Variants in RYR3 observed in about 807,000 individuals in gnomAD.
RYR3 encodes the protein ryanodine receptor 3, also known as brain ryanodine receptor-calcium release channel.
RYR3 carries 207 observed loss-of-function variants against 584.3 expected under a neutral mutation model. That is an observed-to-expected ratio of 0.35 (90% CI 0.32 to 0.40). The LOEUF is 0.40. Ranked by LOEUF, RYR3 falls within the 10% of genes least tolerant of loss-of-function variation. The pLI, the probability that RYR3 is intolerant of heterozygous loss-of-function variation, is 1.00. For synonymous variants in RYR3, 2,416 were observed against 2,248.5 expected (o/e 1.07, Z -2.11); for missense variants, 5,616 against 6,089.2 (o/e 0.92, Z 2.59).
rs566408235 is a variant in RYR3, at chr15:33,370,450, G to A, written c.51+59354G>A. On this transcript the variant is annotated intron_variant, in intron 1 of 103. Coordinates refer to ENST00000634891, the MANE Select transcript of RYR3 (RefSeq NM_001036.6). ...AGAGCTCTACAGCCAGATGTGCTAA[G>A]AAGAGCAGCTGGCAAGCTATGCTGC... Among the ~76,000 whole-genome samples the A allele has an allele frequency of 7.2e-5, 11 of 152,326 alleles. 1 individual carries two copies. In the South Asian group the frequency reaches 2.3e-3, roughly 32 times the overall value.
intron 12 of RYR3, among the ~76,000 whole-genome samples, chr15:33,577,695 G>A (rs1217608940): frequency 6.6e-6 from 1 of 152,154 alleles, no homozygotes; most frequent in East Asian, 1.9e-4. Context: ...TACCATTCAG[G>A]ACATAGGCAT....
At chr15:33,832,486 C>G (rs2077744427) in intron 86 of RYR3, among the ~76,000 whole-genome samples, 1 of 151,768 alleles carries the variant, frequency 6.6e-6, no homozygotes, top group Non-Finnish European at 1.5e-5. Context: ...GAAACCCCGT[C>G]TCTACTAAAA....
intron 3 of RYR3, among the ~76,000 whole-genome samples, chr15:33,510,294 A>G (rs1483526150): frequency 1.3e-5 from 2 of 152,216 alleles, no homozygotes; most frequent in Non-Finnish European, 2.9e-5. Flanking sequence ...TCTACATGAC[A>G]TCACTTAGAT....
intron 29 of RYR3, among the ~76,000 whole-genome samples, chr15:33,646,756 G>T (rs1227553327): frequency 3.3e-5 from 5 of 152,232 alleles, no homozygotes; most frequent in African/African-American, 1.2e-4. Flanking sequence ...AGACACATCT[G>T]GTGGAAAAGT....
chr15:33,401,196 TC>T (rs1437746222), intron 1 of RYR3, among the ~76,000 whole-genome samples: 1 of 152,202 alleles, frequency 6.6e-6, no homozygotes, highest in African/African-American at 2.4e-5. Flanking sequence ...GTTGGGGCAA[TC>T]ATCCTGAAGG....
intron 1 of RYR3, among the ~76,000 whole-genome samples, chr15:33,430,029 A>AAGG (rs1353191382): frequency 3.9e-5 from 6 of 152,148 alleles, no homozygotes; most frequent in Non-Finnish European, 5.9e-5. Context: ...ATGAGAGGGG[A>AAGG]AGGAGGGCAC....
At chr15:33,551,892 G>A (rs1529846) in intron 10 of RYR3, among the ~76,000 whole-genome samples, 131,775 of 152,226 alleles carry the variant, frequency 0.87, 57,644 homozygotes, top group Middle Eastern at 0.98. Flanking sequence ...CAGGAAAGTC[G>A]TAAGAACAGA....
chr15:33,564,394 G>C (rs1415173044), intron 11 of RYR3, among the ~76,000 whole-genome samples: 1 of 152,172 alleles, frequency 6.6e-6, no homozygotes, highest in East Asian at 1.9e-4. Context: ...AGGGTTCGGG[G>C]TATGACAAGT....
intron 36 of RYR3, among the ~76,000 whole-genome samples, chr15:33,665,711 T>G (rs1209110609): frequency 6.6e-6 from 1 of 152,240 alleles, no homozygotes; most frequent in African/African-American, 2.4e-5. Flanking sequence ...TTGACAACAT[T>G]TGTAAAGCCT....
intron 27 of RYR3, among the ~76,000 whole-genome samples, chr15:33,639,021 A>C (rs2061654037): frequency 6.6e-6 from 1 of 152,182 alleles, no homozygotes; most frequent in Non-Finnish European, 1.5e-5. Flanking sequence ...CTTTTCGTTC[A>C]AGAAACTATT....
chr15:33,726,589 C>T, intron 46 of RYR3, 83 bp downstream of exon 46: 2 of 1,413,402 alleles, frequency 1.4e-6, no homozygotes, highest in East Asian at 2.6e-5. Flanking sequence ...AGCACAGTGG[C>T]CCCCAGGCCC....
chr15:33,822,213 A>G (rs1174482698), intron 80 of RYR3, among the ~76,000 whole-genome samples: 3 of 152,220 alleles, frequency 2.0e-5, no homozygotes, highest in African/African-American at 7.2e-5. Context: ...TTCTTCAACA[A>G]TCTGAATTGG....
At chr15:33,349,768 C>G (rs1358611573) in intron 1 of RYR3, among the ~76,000 whole-genome samples, 1 of 135,388 alleles carries the variant, frequency 7.4e-6, no homozygotes, top group Admixed American at 7.9e-5. Context: ...CAACAGTCCC[C>G]AGAGTGTGAT....
chr15:33,652,639 A>G, intron 31 of RYR3, 79 bp from the exon 32 acceptor site: 2 of 1,455,644 alleles, frequency 1.4e-6, no homozygotes, highest in Non-Finnish European at 1.9e-6. Flanking sequence ...AGCCATTTTC[A>G]TTTTTCATTT....
At chr15:33,456,456 G>A (rs1266691840) in intron 1 of RYR3, among the ~76,000 whole-genome samples, 1 of 152,168 alleles carries the variant, frequency 6.6e-6, no homozygotes, top group Non-Finnish European at 1.5e-5. Context: ...TGTGTGATTG[G>A]TTGCCCAGGT....
In RYR3 at chr15:33,785,741, C is replaced by T. The variant is rs765738356; in HGVS notation, c.9348C>T (p.Asp3116=). 1.9e-6 allele frequency: 3 copies of T among 1,613,740 alleles called. No individual in the cohort carries two copies. In the East Asian group the frequency reaches 6.7e-5, roughly 36 times the overall value. Residue 3116 remains aspartate (D), a synonymous_variant, in exon 66 of 104, where the codon GAC becomes GAT. Transcript: ENST00000634891. ...AAGGCCTGATGAAGGAAATCAACGA[C>T]CTGGCCGAGTCAGGGGCCCGGTACA... ...QLEGLMKEIN[D]LAESGARYTE...
chr15:33,314,949 A>C (rs80302070), intron 1 of RYR3, among the ~76,000 whole-genome samples: 60,282 of 151,618 alleles, frequency 0.4, 13,641 homozygotes, highest in South Asian at 0.52. Flanking sequence ...AACCAAAAAA[A>C]AACAACAACA....
intron 95 of RYR3, among the ~76,000 whole-genome samples, chr15:33,853,314 ATAG>A (rs2079300071): frequency 1.3e-5 from 2 of 152,346 alleles, no homozygotes; most frequent in South Asian, 4.1e-4. Context: ...TGTTTTCTGC[ATAG>A]TAGATGTTTT....
intron 2 of RYR3, among the ~76,000 whole-genome samples, chr15:33,482,727 A>G (rs974301966): frequency 6.6e-6 from 1 of 152,168 alleles, no homozygotes; most frequent in Non-Finnish European, 1.5e-5. Context: ...TCAGGTTTCT[A>G]GCAATCTGAA....
Sources: allele counts gnomAD v4.1 joint callset (sites outside exome capture counted in the v4.1 genomes callset), GRCh38; gene constraint gnomAD v4.1.1; transcripts MANE v1.5; gene names NCBI Gene and HGNC (gene_info 2026-07-23, HGNC 2026-07-21).